Variants in KCTD16 observed in about 807,000 individuals in gnomAD.
KCTD16 encodes BTB/POZ domain-containing protein KCTD16.
In KCTD16, 13 loss-of-function variants were observed where a neutral mutation model predicts 33.2. That is an observed-to-expected ratio of 0.39 (90% confidence interval 0.25 to 0.62). The LOEUF (loss-of-function observed/expected upper bound fraction) is 0.62. KCTD16 is among the 20% of genes least tolerant of loss of function. The pLI, the probability that KCTD16 is intolerant of heterozygous loss-of-function variation, is 0.50. For synonymous variants in KCTD16, 197 were observed against 195.3 expected, an observed-to-expected ratio of 1.01 and a Z score of -0.07; for missense variants, 441 against 525.1, an observed-to-expected ratio of 0.84 and a Z score of 1.57.
At chr5:144,438,807 A>T (rs1753635853) in intron 3 of KCTD16, among the ~76,000 whole-genome samples, 1 of 152,180 alleles carries the variant, frequency 6.6e-6, no homozygotes, top group Admixed American at 6.5e-5. Context: ...GAAAATCAAT[A>T]GTCAAAGCTT....
intron 3 of KCTD16, among the ~76,000 whole-genome samples, chr5:144,268,254 A>C (rs544697132): frequency 6.6e-6 from 1 of 152,290 alleles, no homozygotes; most frequent in East Asian, 1.9e-4. Flanking sequence ...GATCAGTGCT[A>C]TGATTGCTGA....
chr5:144,216,861 GAA>G (rs1753580573), intron 3 of KCTD16, among the ~76,000 whole-genome samples: 1 of 146,998 alleles, frequency 6.8e-6, no homozygotes, highest in South Asian at 2.2e-4. Context: ...AAAAAAAAAA[GAA>G]AAAGAGAGAG....
chr5:144,239,727 A>G (rs1035870028), intron 3 of KCTD16, among the ~76,000 whole-genome samples: 1 of 152,172 alleles, frequency 6.6e-6, no homozygotes, highest in Non-Finnish European at 1.5e-5. Context: ...AGTCTGATGA[A>G]AAACCAATTA....
intron 3 of KCTD16, among the ~76,000 whole-genome samples, chr5:144,449,183 A>C (rs1351933244): frequency 6.6e-6 from 1 of 152,020 alleles, no homozygotes; most frequent in Non-Finnish European, 1.5e-5. Flanking sequence ...TCAAGTCTTT[A>C]GGTATAAACT....
chr5:144,439,304 TA>T, intron 3 of KCTD16: 4 of 474,988 alleles, frequency 8.4e-6, no homozygotes, highest in Non-Finnish European at 1.2e-5. Flanking sequence ...AGCTGGTCCC[TA>T]AAACCCACTT....
Position 144,475,416 on chromosome 5 carries a change from C to A in KCTD16, c.*1302C>A, listed in dbSNP as rs1268386331. On this transcript the variant is annotated 3_prime_UTR_variant, in exon 4 of 4. Transcript: ENST00000512467. Reference sequence around the variant, plus strand: ...GCTCCAGAGTTAAGGTTTCAGATTTCTAAATGAAACTATCTTTTTCAATTA... The same window carrying A: ...GCTCCAGAGTTAAGGTTTCAGATTTATAAATGAAACTATCTTTTTCAATTA... 2 of 152,202 alleles carry A rather than the reference C, an allele frequency of 1.3e-5. No homozygotes were observed. Among genetic ancestry groups the A allele is most frequent in the Admixed American group, 1.3e-4 (2 of 15,266 alleles). The allele number at this position is 152,202 out of a possible 1,614,324, so 9.4% of individuals were successfully genotyped here.
chr5:144,388,615 C>G (rs751158770), intron 3 of KCTD16, among the ~76,000 whole-genome samples: 18 of 152,098 alleles, frequency 1.2e-4, no homozygotes, highest in Non-Finnish European at 2.1e-4. Flanking sequence ...TCTTGGCTGT[C>G]TATGCAAGCC....
chr5:144,181,392 G>GT (rs1752623100), intron 2 of KCTD16, among the ~76,000 whole-genome samples: 1 of 151,952 alleles, frequency 6.6e-6, no homozygotes, highest in African/African-American at 2.4e-5. Flanking sequence ...GTTAGTAGCA[G>GT]TATCTACACA....
At chr5:144,336,409 A>G (rs1310485366) in intron 3 of KCTD16, among the ~76,000 whole-genome samples, 1 of 152,212 alleles carries the variant, frequency 6.6e-6, no homozygotes, top group Non-Finnish European at 1.5e-5. Flanking sequence ...GAAGCCAGGA[A>G]GAGCATCTGC....
chr5:144,304,977 CTTTTTTTTT>C (rs146638360), intron 3 of KCTD16, among the ~76,000 whole-genome samples: 2 of 83,416 alleles, frequency 2.4e-5, no homozygotes, highest in African/African-American at 1.1e-4. Context: ...ATATCAAAAT[CTTTTTTTTT>C]TTTTTTTTTT....
At chr5:144,327,587 A>G (rs1197142742) in intron 3 of KCTD16, among the ~76,000 whole-genome samples, 1 of 152,144 alleles carries the variant, frequency 6.6e-6, no homozygotes, top group East Asian at 1.9e-4. Context: ...ATCACTGTTA[A>G]CAGTTTCTTG....
At chr5:144,252,648 G>C (rs1754733159) in intron 3 of KCTD16, among the ~76,000 whole-genome samples, 1 of 150,550 alleles carries the variant, frequency 6.6e-6, no homozygotes. Flanking sequence ...AGATCACTAA[G>C]AATCATTCCA....
rs574637890 is a variant in KCTD16 at position 144,335,854 on chromosome 5, C to A, written c.832+128308C>A. Among the ~76,000 whole-genome samples the A allele has an allele frequency of 5.9e-5, 9 of 152,234 alleles. No homozygotes were observed. In the South Asian group the frequency reaches 1.9e-3, roughly 32 times the overall value. ...ATCAGGAGGTGATTAGGGGCCAGAT[C>A]ATGAAGAGTCATGCTGAGAAAATGG... On this transcript the variant is annotated intron_variant, in intron 3 of 3. Coordinates refer to ENST00000512467, the MANE Select transcript of KCTD16 (RefSeq NM_020768.4).
chr5:144,246,088 A>G (rs1230698057), intron 3 of KCTD16, among the ~76,000 whole-genome samples: 1 of 152,140 alleles, frequency 6.6e-6, no homozygotes, highest in Non-Finnish European at 1.5e-5. Flanking sequence ...CAATGATGTT[A>G]TGAGTAAGGA....
intron 3 of KCTD16, among the ~76,000 whole-genome samples, chr5:144,302,961 T>G (rs967210090): frequency 1.3e-5 from 2 of 152,338 alleles, no homozygotes; most frequent in South Asian, 4.1e-4. Context: ...AGCAGGATAT[T>G]GTGGAATATG....
At chr5:144,253,146 G>T (rs1754748542) in intron 3 of KCTD16, among the ~76,000 whole-genome samples, 1 of 152,060 alleles carries the variant, frequency 6.6e-6, no homozygotes, top group African/African-American at 2.4e-5. Context: ...CCCTTTCGTT[G>T]TCATATTTAT....
chr5:144,363,021 G>A (rs926793484), intron 3 of KCTD16, among the ~76,000 whole-genome samples: 2 of 151,892 alleles, frequency 1.3e-5, no homozygotes, highest in African/African-American at 2.4e-5. Context: ...ACTTCTATAC[G>A]GCCTCTCATT....
intron 1 of KCTD16, among the ~76,000 whole-genome samples, chr5:144,171,412 T>C (rs577931942): frequency 6.6e-6 from 1 of 152,312 alleles, no homozygotes; most frequent in Non-Finnish European, 1.5e-5. Context: ...GTGCAAGATC[T>C]GGGAAGCATG....
intron 3 of KCTD16, among the ~76,000 whole-genome samples, chr5:144,375,776 C>T (rs1752077549): frequency 6.6e-6 from 1 of 152,096 alleles, no homozygotes; most frequent in South Asian, 2.1e-4. Flanking sequence ...CTAGGACCGT[C>T]ACATCAAACT....
Sources: allele counts gnomAD v4.1 joint callset (sites outside exome capture counted in the v4.1 genomes callset), GRCh38; gene constraint gnomAD v4.1.1; transcripts MANE v1.5; gene names NCBI Gene and HGNC (gene_info 2026-07-23, HGNC 2026-07-21).